The following CDKN2B-AS1 variants were observed in gnomAD, a reference collection of about 807,000 sequenced individuals.
The protein encoded by CDKN2B-AS1 is CDKN2B antisense RNA 1 (non-protein coding).
chr9:22,046,450 G>A (rs1823112127), intron 1 of CDKN2B-AS1: 1 of 152,098 alleles, frequency 6.6e-6, no homozygotes, highest in Non-Finnish European at 1.5e-5. Flanking sequence ...AACAGCTAAG[G>A]TTGTCATAGA....
rs552345848 is a variant in CDKN2B-AS1, at chr9:22,021,801, G to T, written n.30-24950G>T. 7.9e-5 allele frequency among the ~76,000 whole-genome samples: 12 copies of T among 152,094 alleles called. No individual in the cohort carries two copies. In the East Asian group the frequency reaches 1.9e-3, roughly 24 times the overall value. ...CTTTATTTCTTTCTCTTCCCTGATT[G>T]CCCTTGCCAGAATATTCAATACTAT... is the stretch of plus-strand genomic sequence containing the variant. On this transcript the variant is annotated intron_variant and non_coding_transcript_variant, in intron 1 of 4. Transcript: ENST00000650946.
At chr9:22,036,998 C>T (rs761472156) in intron 1 of CDKN2B-AS1, among the ~76,000 whole-genome samples, 9 of 152,042 alleles carry the variant, frequency 5.9e-5, no homozygotes, top group Non-Finnish European at 1.2e-4. Context: ...ATTCTTTCTC[C>T]CCTTCTCCCT....
At chr9:22,022,530 G>T (rs758353443) in intron 1 of CDKN2B-AS1, among the ~76,000 whole-genome samples, 9 of 151,456 alleles carry the variant, frequency 5.9e-5, no homozygotes, top group African/African-American at 9.7e-5. Context: ...CTTTTATTTT[G>T]AGCCTATCTC....
At chr9:22,100,724 A>G (rs368826412) in intron 4 of CDKN2B-AS1, among the ~76,000 whole-genome samples, 2 of 152,204 alleles carry the variant, frequency 1.3e-5, no homozygotes, top group African/African-American at 4.8e-5. Context: ...ACTTTTTAAG[A>G]AACTGTTTTC....
intron 4 of CDKN2B-AS1, among the ~76,000 whole-genome samples, chr9:22,095,659 C>T (rs1229845940): frequency 6.8e-6 from 1 of 148,040 alleles, no homozygotes; most frequent in Admixed American, 6.7e-5. Context: ...CTTTCTGTCT[C>T]GTTGATCTGT....
At chr9:22,089,026 T>G (rs1824965874) in intron 4 of CDKN2B-AS1, among the ~76,000 whole-genome samples, 1 of 152,216 alleles carries the variant, frequency 6.6e-6, no homozygotes, top group African/African-American at 2.4e-5. Flanking sequence ...GTTTTTTACA[T>G]TGTCAACTGT....
chr9:22,024,925 C>G (rs115814099), intron 1 of CDKN2B-AS1, among the ~76,000 whole-genome samples: 1 of 152,188 alleles, frequency 6.6e-6, no homozygotes, highest in Non-Finnish European at 1.5e-5. Flanking sequence ...AAGAGGCCAG[C>G]AGACCAAGGA....
At chr9:22,097,161 T>C (rs1825310384) in intron 4 of CDKN2B-AS1, 1 of 152,220 alleles carries the variant, frequency 6.6e-6, no homozygotes, top group Admixed American at 6.5e-5. Context: ...ACAAATTGGG[T>C]CAAGGTGATG....
intron 1 of CDKN2B-AS1, among the ~76,000 whole-genome samples, chr9:22,042,870 C>T (rs112265430): frequency 1.6e-3 from 238 of 152,196 alleles, no homozygotes; most frequent in Admixed American, 5.8e-3. Flanking sequence ...CCCTTCTAAT[C>T]AATTATATCC....
intron 1 of CDKN2B-AS1, among the ~76,000 whole-genome samples, chr9:22,040,093 T>A (rs1346592682): frequency 6.6e-6 from 1 of 152,038 alleles, no homozygotes; most frequent in Non-Finnish European, 1.5e-5. Flanking sequence ...CCCAGCCAAC[T>A]GCTAATCTCA....
At chr9:22,029,859 A>T (rs901580458) in intron 1 of CDKN2B-AS1, 3 of 187,584 alleles carry the variant, frequency 1.6e-5, no homozygotes, top group Non-Finnish European at 3.3e-5. Flanking sequence ...TCTATTACAA[A>T]ATGGATAGTG....
At chr9:22,108,992 A>G (rs1825734158) in intron 4 of CDKN2B-AS1, among the ~76,000 whole-genome samples, 1 of 152,250 alleles carries the variant, frequency 6.6e-6, no homozygotes, top group African/African-American at 2.4e-5. Flanking sequence ...TTGATAATCT[A>G]AGCTGCTCTT....
chr9:22,096,511 A>T (rs563749790), intron 4 of CDKN2B-AS1: 1 of 152,240 alleles, frequency 6.6e-6, no homozygotes, highest in Non-Finnish European at 1.5e-5. Flanking sequence ...CATGATCTAC[A>T]TAGGTATGAG....
intron 4 of CDKN2B-AS1, among the ~76,000 whole-genome samples, chr9:22,116,836 A>T (rs191131148): frequency 6.6e-6 from 1 of 152,350 alleles, no homozygotes; most frequent in East Asian, 1.9e-4. Context: ...AGAATGTCAT[A>T]ACTGTCCAGA....
chr9:22,107,659 C>T (rs1273449087), intron 4 of CDKN2B-AS1, among the ~76,000 whole-genome samples: 2 of 152,190 alleles, frequency 1.3e-5, no homozygotes. Flanking sequence ...TCCTGACTTT[C>T]TCCACCCAGC....
Position 21,997,499 on chromosome 9 carries a change from G to GAGAGAA in CDKN2B-AS1, n.29+2350_29+2355dup, listed in dbSNP as rs897022838. ...AGGGAGGGAGAGAGAGAGAGAGAGA[G>GAGAGAA]AGAGAAAGAGAAAGAGAGAAAATAC... On this transcript the variant is annotated intron_variant and non_coding_transcript_variant, in intron 1 of 4. Transcript: ENST00000650946. The surrounding 1 kb of genome is among the most constrained non-coding windows in gnomAD (Gnocchi z 4.8). Among the ~76,000 whole-genome samples, 3 of 151,906 alleles carry GAGAGAA rather than the reference G, an allele frequency of 2.0e-5. No individual in the cohort carries two copies. Among genetic ancestry groups the GAGAGAA allele is most frequent in the Non-Finnish European group, 4.4e-5 (3 of 67,946 alleles).
At chr9:22,046,088 A>G (rs567339885) in intron 1 of CDKN2B-AS1, among the ~76,000 whole-genome samples, 39 of 152,168 alleles carry the variant, frequency 2.6e-4, no homozygotes, top group African/African-American at 9.1e-4. Flanking sequence ...CCTCCAAATA[A>G]ATTTCTCTGT....
At chr9:22,082,226 C>G (rs1490066194) in intron 4 of CDKN2B-AS1, among the ~76,000 whole-genome samples, 1 of 152,196 alleles carries the variant, frequency 6.6e-6, no homozygotes, top group Non-Finnish European at 1.5e-5. Context: ...TTCTGCTGGT[C>G]TGCTAGTTAT....
chr9:22,124,619 T>G (rs972566220), intron 4 of CDKN2B-AS1, among the ~76,000 whole-genome samples: 85 of 152,372 alleles, frequency 5.6e-4, no homozygotes, highest in African/African-American at 1.9e-3. Flanking sequence ...AACCTCTATT[T>G]TTTAAAAAAC....
Sources: allele counts gnomAD v4.1 joint callset (sites outside exome capture counted in the v4.1 genomes callset), GRCh38; gene constraint gnomAD v4.1.1; non-coding constraint Gnocchi (gnomAD v3.1); transcripts MANE v1.5; gene names NCBI Gene and HGNC (gene_info 2026-07-23, HGNC 2026-07-21).